The following TMEM266 variants were observed in gnomAD, a reference collection of about 807,000 sequenced individuals.
The protein encoded by TMEM266 is transmembrane protein 266.
Under a neutral mutation model 50.5 loss-of-function variants are expected in TMEM266, and 33 were observed. That is an observed-to-expected ratio of 0.65 (90% CI 0.50 to 0.87). TMEM266 has a LOEUF of 0.87. TMEM266 is among the 40% of genes least tolerant of loss of function. The pLI, the probability that TMEM266 is intolerant of heterozygous loss-of-function variation, is 0.00. For synonymous variants in TMEM266, 310 were observed against 292.3 expected (o/e 1.06, Z -0.62); for missense variants, 655 against 695.1 (o/e 0.94, Z 0.65).
intron 1 of TMEM266, among the ~76,000 whole-genome samples, chr15:76,106,271 C>T (rs1232538558): frequency 1.3e-5 from 2 of 152,154 alleles, no homozygotes; most frequent in African/African-American, 4.8e-5. Context: ...CTGGGAATGC[C>T]CTCTCCCTAC....
intron 1 of TMEM266, among the ~76,000 whole-genome samples, chr15:76,125,870 T>TG (rs1468375276): frequency 7.7e-6 from 1 of 130,040 alleles, no homozygotes; most frequent in African/African-American, 2.9e-5. Flanking sequence ...AAAAAGGCAG[T>TG]GGGGGGGATG....
At chr15:76,155,714 A>G (rs900993404) in intron 3 of TMEM266, among the ~76,000 whole-genome samples, 1 of 152,164 alleles carries the variant, frequency 6.6e-6, no homozygotes, top group Non-Finnish European at 1.5e-5. Context: ...AACGTACCCA[A>G]CCATGGAAAC....
chr15:76,192,185 G>C lies in TMEM266; in HGVS notation c.958+28G>C, dbSNP rs1384378360. ...AAGCCCGGGTCTCCACCCGGCCCCA[G>C]AGTGTCACGGCCGGGGATCCCCCTC... On this transcript the variant is annotated intron_variant, in intron 9 of 10. Coordinates refer to ENST00000388942, the MANE Select transcript of TMEM266 (RefSeq NM_152335.3). 3 of 1,389,602 alleles carry C rather than the reference G, an allele frequency of 2.2e-6. No homozygotes were observed. The African/African-American group carries it at 4.6e-5, about 21-fold the overall frequency. The allele number at this position is 1,389,602 out of a possible 1,614,324, so 86.1% of individuals were successfully genotyped here.
Position 76,085,466 on chromosome 15 carries a change from G to A in TMEM266, c.-97+25450G>A, listed in dbSNP as rs186557920. 1.0e-3 allele frequency among the ~76,000 whole-genome samples: 152 copies of A among 150,884 alleles called. 1 individual carries two copies. Among genetic ancestry groups the A allele is most frequent in the African/African-American group, 3.5e-3 (142 of 41,056 alleles). On this transcript the variant is annotated intron_variant, in intron 1 of 10. Coordinates refer to ENST00000388942, the MANE Select transcript of TMEM266 (RefSeq NM_152335.3). ...TAGAGACAGTGGTTTTACCATGTTGGTCAGGCTGGTGTTGAACTCCTGACC... is the reference window on the plus strand; with the variant it reads ...TAGAGACAGTGGTTTTACCATGTTGATCAGGCTGGTGTTGAACTCCTGACC...
At chr15:76,147,952 G>C (rs1323691729) in intron 3 of TMEM266, among the ~76,000 whole-genome samples, 1 of 152,248 alleles carries the variant, frequency 6.6e-6, no homozygotes, top group Non-Finnish European at 1.5e-5. Context: ...CTGGGCAACA[G>C]AGTGAGACCC....
chr15:76,115,869 A>C (rs1284461766), intron 1 of TMEM266, among the ~76,000 whole-genome samples: 3 of 152,094 alleles, frequency 2.0e-5, no homozygotes, highest in African/African-American at 7.2e-5. Flanking sequence ...TGCCAACCAG[A>C]TGAAGCTGTG....
chr15:76,096,416 A>G (rs1228276873), intron 1 of TMEM266, among the ~76,000 whole-genome samples: 1 of 151,990 alleles, frequency 6.6e-6, no homozygotes, highest in African/African-American at 2.4e-5. Context: ...GTAGTTGTGC[A>G]GTTTTGAGTG....
chr15:76,133,564 C>T (rs1425512890), intron 1 of TMEM266, among the ~76,000 whole-genome samples: 1 of 152,184 alleles, frequency 6.6e-6, no homozygotes, highest in South Asian at 2.1e-4. Context: ...GTTATTATCC[C>T]CATTTTTCAG....
rs567495163 is a variant in TMEM266, at chr15:76,104,948, G to A, written c.-96-29220G>A. On this transcript the variant is annotated intron_variant, in intron 1 of 10. Coordinates refer to ENST00000388942, the MANE Select transcript of TMEM266 (RefSeq NM_152335.3). Reference sequence around the variant, plus strand: ...CTTATTGAAAGTTTCGGCCAGGCACGGTGGCTCACACCTGTAATCCCAACA... The same window carrying A: ...CTTATTGAAAGTTTCGGCCAGGCACAGTGGCTCACACCTGTAATCCCAACA... Among the ~76,000 whole-genome samples, 6 of 152,064 alleles carry A rather than the reference G, an allele frequency of 3.9e-5. No individual in the cohort carries two copies. The South Asian group carries it at 1.0e-3, about 26-fold the overall frequency.
chr15:76,131,178 A>T (rs1190938167), intron 1 of TMEM266, among the ~76,000 whole-genome samples: 1 of 152,176 alleles, frequency 6.6e-6, no homozygotes, highest in Non-Finnish European at 1.5e-5. Context: ...GGAGTTCGAG[A>T]CCAACCTGGC....
intron 7 of TMEM266, chr15:76,175,316 G>A (rs1379413500): frequency 9.4e-6 from 4 of 427,286 alleles, no homozygotes; most frequent in African/African-American, 2.0e-5. Flanking sequence ...TGTGCACACA[G>A]CCCAAAAGTA....
At chr15:76,062,097 G>C (rs1046446000) in intron 1 of TMEM266, among the ~76,000 whole-genome samples, 3 of 152,160 alleles carry the variant, frequency 2.0e-5, no homozygotes, top group African/African-American at 7.2e-5. Flanking sequence ...AGTTCTCATG[G>C]ACTTAGAAAT....
At chr15:76,065,662 A>G (rs2036399749) in intron 1 of TMEM266, among the ~76,000 whole-genome samples, 1 of 152,198 alleles carries the variant, frequency 6.6e-6, no homozygotes, top group South Asian at 2.1e-4. Context: ...TGGGGAGAAG[A>G]GTAGCTACGG....
chr15:76,106,282 C>T (rs1448848794), intron 1 of TMEM266, among the ~76,000 whole-genome samples: 1 of 152,234 alleles, frequency 6.6e-6, no homozygotes, highest in Non-Finnish European at 1.5e-5. Context: ...CTCTCCCTAC[C>T]CGTGTCATAT....
In TMEM266 at chr15:76,204,047, T is replaced by G. The variant is rs749618248; in HGVS notation, c.1328T>G (p.Leu443Arg). ...GTGGAGGAGGCCACAGTCCAGGACC[T>G]GCTGTCCTCCCTGTCGGAGGACCCC... The change falls in exon 11 of 11, where the codon CTG (leucine) becomes CGG (arginine). Residue 443 changes from leucine to arginine, a missense_variant. Physicochemically the swap from Leu to Arg is moderately radical, Grantham distance 102 (BLOSUM62 -2). Transcript: ENST00000388942. 6 of 1,612,160 alleles carry G rather than the reference T, an allele frequency of 3.7e-6. No individual in the cohort carries two copies. Among genetic ancestry groups the G allele is most frequent in the African/African-American group, 2.7e-5 (2 of 74,874 alleles).
At position 76,189,072 on chromosome 15, in the gene TMEM266, G is replaced by A. The variant is rs140999976; in HGVS notation, c.769-2896G>A. Among the ~76,000 whole-genome samples the A allele has an allele frequency of 7.8e-3, 1,194 of 152,142 alleles. 16 individuals are homozygous for A. Among genetic ancestry groups the A allele is most frequent in the African/African-American group, 0.027 (1,132 of 41,518 alleles). ...AAAATTAGCCGGGCATGTGCCTGTCGTCCCAGTTACTCAGGAGGCTGAGGT... is the reference window on the plus strand; with the variant it reads ...AAAATTAGCCGGGCATGTGCCTGTCATCCCAGTTACTCAGGAGGCTGAGGT... On this transcript the variant is annotated intron_variant, in intron 8 of 10. Transcript: ENST00000388942.
At chr15:76,084,792 G>A (rs1040523282) in intron 1 of TMEM266, among the ~76,000 whole-genome samples, 1 of 151,278 alleles carries the variant, frequency 6.6e-6, no homozygotes, top group African/African-American at 2.4e-5. Context: ...AGTAGAGATG[G>A]GGGTTTCACC....
At position 76,202,775 on chromosome 15, in the gene TMEM266, C is replaced by T. The variant is rs151233714; in HGVS notation, c.1021+511C>T. The stretch of plus-strand genomic sequence containing the variant: ...TGAGGCCTTGGGTGTCTCGTTTCTC[C>T]ATAGCCCCCTTTCCAGTTCCGGGTT... On this transcript the variant is annotated intron_variant, in intron 10 of 10. Coordinates refer to ENST00000388942, the MANE Select transcript of TMEM266 (RefSeq NM_152335.3). Among the ~76,000 whole-genome samples the T allele has an allele frequency of 2.0e-5, 3 of 152,286 alleles. No individual in the cohort carries two copies. The East Asian group carries it at 5.8e-4, about 29-fold the overall frequency.
chr15:76,203,595 T>TCTA (rs1219746202), intron 10 of TMEM266, 146 bp from the exon 11 acceptor site: 30 of 716,186 alleles, frequency 4.2e-5, no homozygotes, highest in Non-Finnish European at 6.4e-5. Flanking sequence ...GGGAGGGAGT[T>TCTA]CTACCAAGGC....
Sources: allele counts gnomAD v4.1 joint callset (sites outside exome capture counted in the v4.1 genomes callset), GRCh38; gene constraint gnomAD v4.1.1; transcripts MANE v1.5; gene names NCBI Gene and HGNC (gene_info 2026-07-23, HGNC 2026-07-21).